Variants in CCL28 observed in about 807,000 individuals in gnomAD.
CCL28 encodes the protein C-C motif chemokine 28.
A neutral mutation model predicts 7.1 loss-of-function variants in CCL28; 4 were observed. The observed-to-expected ratio is 0.56, with a 90% CI of 0.28 to 1.29. The LOEUF (loss-of-function observed/expected upper bound fraction) is 1.29. Ranked by LOEUF, CCL28 falls within the 50% of genes most tolerant of loss-of-function variation. CCL28 has a pLI of 0.11. For missense variants in CCL28, 151 were observed against 163.4 expected (o/e 0.92, Z 0.41); for synonymous variants, 55 against 57.8 (o/e 0.95, Z 0.22).
chr5:43,364,683 G>A, the CCL28 span, among the ~76,000 whole-genome samples: 3 of 152,112 alleles, frequency 2.0e-5, no homozygotes, highest in Admixed American at 1.3e-4. Flanking sequence ...ATTATTGTGC[G>A]GGAGTCTAAG....
intron 1 of CCL28, among the ~76,000 whole-genome samples, chr5:43,403,557 A>G (rs1412774820): frequency 6.6e-6 from 1 of 152,212 alleles, no homozygotes; most frequent in Non-Finnish European, 1.5e-5. Flanking sequence ...ACAAAAATGG[A>G]GAAAAAACAG....
chr5:43,374,780 C>CAAAAAA (rs10540720), downstream of CCL28, among the ~76,000 whole-genome samples: 1 of 109,428 alleles, frequency 9.1e-6, no homozygotes, highest in Non-Finnish European at 1.9e-5. Flanking sequence ...GACTCTGTCT[C>CAAAAAA]AAAAAAAAAA....
the CCL28 span, among the ~76,000 whole-genome samples, chr5:43,368,850 C>T: frequency 1.3e-5 from 2 of 152,068 alleles, no homozygotes; most frequent in Non-Finnish European, 2.9e-5. Context: ...AAGGAACCAA[C>T]CCGGTTGATA....
intron 1 of CCL28, among the ~76,000 whole-genome samples, chr5:43,391,488 T>A (rs1740570063): frequency 6.6e-6 from 1 of 152,236 alleles, no homozygotes; most frequent in East Asian, 1.9e-4. Context: ...AATGTAGATG[T>A]GAATAAATAA....
intron 1 of CCL28, among the ~76,000 whole-genome samples, chr5:43,405,149 A>C (rs1208235110): frequency 1.3e-5 from 2 of 152,242 alleles, no homozygotes; most frequent in African/African-American, 4.8e-5. Flanking sequence ...ATGTGCACCA[A>C]GCAGACCTAA....
intron 1 of CCL28, among the ~76,000 whole-genome samples, chr5:43,392,466 C>T (rs1298525179): frequency 6.6e-6 from 1 of 152,100 alleles, no homozygotes; most frequent in Non-Finnish European, 1.5e-5. Context: ...ACTGCTAGTC[C>T]TGGAACACAT....
the CCL28 span, among the ~76,000 whole-genome samples, chr5:43,366,868 C>T: frequency 6.6e-6 from 1 of 152,256 alleles, no homozygotes; most frequent in Admixed American, 6.5e-5. Flanking sequence ...TCTAGAGAGG[C>T]AGTCTGGCTA....
At chr5:43,404,465 T>G (rs1417031220) in intron 1 of CCL28, among the ~76,000 whole-genome samples, 3 of 152,076 alleles carry the variant, frequency 2.0e-5, no homozygotes, top group Admixed American at 2.0e-4. Flanking sequence ...TGCTGAGAGA[T>G]TTTGTCACCA....
chr5:43,377,877 C>T (rs937004060), downstream of CCL28, among the ~76,000 whole-genome samples: 36 of 148,232 alleles, frequency 2.4e-4, no homozygotes, highest in Non-Finnish European at 4.9e-4. Context: ...GGACTACAGG[C>T]GCCCGCCACT....
intron 1 of CCL28, among the ~76,000 whole-genome samples, chr5:43,398,062 T>C (rs908169150): frequency 3.9e-5 from 6 of 152,250 alleles, no homozygotes; most frequent in Admixed American, 6.5e-5. Flanking sequence ...GTTATTTTAC[T>C]AATTCAAGTG....
At chr5:43,405,917 G>A (rs1436373025) in intron 1 of CCL28, among the ~76,000 whole-genome samples, 1 of 152,062 alleles carries the variant, frequency 6.6e-6, no homozygotes, top group Non-Finnish European at 1.5e-5. Context: ...TAAATTCCTG[G>A]ACACATACAC....
chr5:43,394,214 T>C (rs1317567280), intron 1 of CCL28, among the ~76,000 whole-genome samples: 3 of 152,230 alleles, frequency 2.0e-5, no homozygotes, highest in Non-Finnish European at 4.4e-5. Context: ...CAATTCCACA[T>C]GTTTCAACTA....
At chr5:43,378,728 C>T (rs532605301), downstream of CCL28, among the ~76,000 whole-genome samples, 15 of 151,970 alleles carry the variant, frequency 9.9e-5, no homozygotes, top group East Asian at 1.9e-4. Context: ...TTTGGGAGGC[C>T]GAGGTGGGTG....
At chr5:43,402,882 G>C (rs947445972) in intron 1 of CCL28, among the ~76,000 whole-genome samples, 1 of 152,242 alleles carries the variant, frequency 6.6e-6, no homozygotes, top group African/African-American at 2.4e-5. Context: ...CTGGCTTGGA[G>C]GGTCCCACAC....
At chr5:43,401,835 A>C (rs1561165713) in intron 1 of CCL28, among the ~76,000 whole-genome samples, 1 of 152,200 alleles carries the variant, frequency 6.6e-6, no homozygotes, top group South Asian at 2.1e-4. Context: ...GGGCCCTTAA[A>C]TATTTTTCCT....
Position 43,379,694 on chromosome 5 carries a change from CA to C in CCL28, c.*2165del, listed in dbSNP as rs1740026203. On this transcript the variant is annotated 3_prime_UTR_variant, in exon 3 of 3. Transcript: ENST00000361115. ...GACTAGCCAGCAGGGAGGCCCAGGACACCTGCCACCTGATAAAGTGGCTCCT... is the reference window on the plus strand; with the variant it reads ...GACTAGCCAGCAGGGAGGCCCAGGACCCTGCCACCTGATAAAGTGGCTCCT... The C allele has an allele frequency of 6.6e-6, 1 of 152,276 alleles. No individual in the cohort carries two copies. 9.4% of individuals were successfully genotyped at this position (152,276 alleles called of 1,614,324 possible). A position where few individuals can be genotyped will look rare whatever the true frequency, so the allele number is the denominator to read the frequency against.
At chr5:43,372,794 T>C (rs888121507), downstream of CCL28, among the ~76,000 whole-genome samples, 1 of 151,352 alleles carries the variant, frequency 6.6e-6, no homozygotes, top group Non-Finnish European at 1.5e-5. Context: ...TTAGAGCTGT[T>C]ATCTGACTTT....
the CCL28 span, among the ~76,000 whole-genome samples, chr5:43,370,519 G>C: frequency 2.0e-5 from 3 of 151,680 alleles, no homozygotes; most frequent in Non-Finnish European, 4.4e-5. Context: ...ATGGCACCTG[G>C]GTTAATAATA....
chr5:43,388,279 C>T lies in CCL28; in HGVS notation c.191+71G>A, dbSNP rs551937898. ...ATGTTGTAATCAAGCAAAGCCTTTC[C>T]AACCTATTATTCGTTGGGCAGGGAA... On this transcript the variant is annotated intron_variant, in intron 2 of 2. Transcript: ENST00000361115. 14 of 1,575,352 alleles carry T rather than the reference C, an allele frequency of 8.9e-6. No individual in the cohort carries two copies. The South Asian group carries it at 1.6e-4, about 18-fold the overall frequency.
Sources: allele counts gnomAD v4.1 joint callset (sites outside exome capture counted in the v4.1 genomes callset), GRCh38; gene constraint gnomAD v4.1.1; transcripts MANE v1.5; gene names NCBI Gene and HGNC (gene_info 2026-07-23, HGNC 2026-07-21).